CHAF1A: variants seen among roughly 807,000 people sequenced by gnomAD.
CHAF1A encodes chromatin assembly factor 1 subunit A, also known as CAF-1 subunit A.
A neutral mutation model predicts 93.2 loss-of-function variants in CHAF1A; 5 were observed. The ratio of observed to expected loss-of-function variants is 0.05; its 90% CI spans 0.03 to 0.11. The LOEUF is 0.11. Among genes scored for constraint, CHAF1A ranks in the 10% least tolerant of loss-of-function variants. CHAF1A has a pLI of 1.00. For synonymous variants in CHAF1A, 504 were observed against 510.3 expected, an observed-to-expected ratio of 0.99 and a Z score of 0.17; for missense variants, 1,102 against 1,259.9, an observed-to-expected ratio of 0.87 and a Z score of 1.90.
In CHAF1A at chr19:4,408,920, C is replaced by T; in HGVS notation, c.121C>T (p.Arg41Cys). Residue 41 changes from arginine (R) to cysteine (C), a missense_variant, in exon 3 of 15, where the codon CGC becomes TGC. Around this residue, in one of 6 missense-constraint regions of CHAF1A, gnomAD observed 28 missense variants for 56.5 expected, o/e 0.50. Coordinates refer to ENST00000301280, the MANE Select transcript of CHAF1A (RefSeq NM_005483.3). ...TGTTTCAGCCCGTCTGCCGTTTAAG[C>T]GCCTGAATCTTGTCCCAAAGGGGAA... ...KLIQARLPFK[R>C]LNLVPKGKAD... 6 of 1,604,986 alleles carry T rather than the reference C, an allele frequency of 3.7e-6. No homozygotes were observed. The highest frequency in any genetic ancestry group is 1.1e-5 in the South Asian group (1 of 89,254).
intron 3 of CHAF1A, among the ~76,000 whole-genome samples, chr19:4,413,189 A>T (rs183868140): frequency 6.6e-6 from 1 of 152,142 alleles, no homozygotes; most frequent in Non-Finnish European, 1.5e-5. Flanking sequence ...CTCCTGTCTC[A>T]ACCTCCCAAG....
chr19:4,444,497 G>T (rs376623), downstream of CHAF1A: 45,334 of 152,142 alleles, frequency 0.3, 7,295 homozygotes, highest in East Asian at 0.6. Context: ...CCAGTGCTCG[G>T]AGGCGCTGCA....
intron 1 of CHAF1A, among the ~76,000 whole-genome samples, chr19:4,405,128 C>T (rs557762063): frequency 2.6e-5 from 4 of 152,106 alleles, no homozygotes; most frequent in Admixed American, 1.3e-4. Flanking sequence ...GAAACAGTTC[C>T]GGTTACTCTC....
rs747750687 is a variant in CHAF1A, at chr19:4,427,136, C to CTTTTTTTTTTTTTTTTTTTTTTTTTT, written c.1378-1522_1378-1497dup. Among the ~76,000 whole-genome samples the CTTTTTTTTTTTTTTTTTTTTTTTTTT allele has an allele frequency of 4.1e-4, 13 of 31,948 alleles. 2 individuals are homozygous for CTTTTTTTTTTTTTTTTTTTTTTTTTT. Among genetic ancestry groups the CTTTTTTTTTTTTTTTTTTTTTTTTTT allele is most frequent in the African/African-American group, 1.5e-3 (10 of 6,822 alleles). The allele number at this position is 31,948 out of a possible 152,430, so 21.0% of individuals were successfully genotyped here. A position where few individuals can be genotyped will look rare whatever the true frequency, so the allele number is the denominator to read the frequency against. ...GTGATCTTTCAAAAAAAGACCCTGT[C>CTTTTTTTTTTTTTTTTTTTTTTTTTT]TTTTTTTTTTTTTTTTTTTTTTTTT... On this transcript the variant is annotated intron_variant, in intron 7 of 14. Transcript: ENST00000301280.
At chr19:4,446,085 G>C (rs139535362), downstream of CHAF1A, 5 of 1,612,600 alleles carry the variant, frequency 3.1e-6, no homozygotes, top group African/African-American at 4.0e-5. Context: ...TCTCGTCCTC[G>C]GACAGCTTCT....
At chr19:4,446,307 GGC>G, downstream of CHAF1A, 5 of 1,572,988 alleles carry the variant, frequency 3.2e-6, no homozygotes, top group Non-Finnish European at 4.3e-6. Flanking sequence ...CCATCGGGGA[GGC>G]GCACGCGCAG....
intron 3 of CHAF1A, among the ~76,000 whole-genome samples, chr19:4,412,014 C>G (rs2145078593): frequency 6.6e-6 from 1 of 152,160 alleles, no homozygotes; most frequent in South Asian, 2.1e-4. Context: ...GTTTGTTGTA[C>G]AGATTATTTT....
rs565606880 is a variant in CHAF1A, at chr19:4,433,600, G to A, written c.2673+61G>A. ...GCTTTTCTTTTTTTGTTTGTTTTTT[G>A]TTGTTTTGTTTTTTTTTCGAGATGG... On this transcript the variant is annotated intron_variant, in intron 13 of 14. Coordinates refer to ENST00000301280, the MANE Select transcript of CHAF1A (RefSeq NM_005483.3). The surrounding 1 kb of genome is among the most constrained non-coding windows in gnomAD (Gnocchi z 5.6). 7.3e-7 allele frequency: 1 copy of A among 1,375,956 alleles called. No individual in the cohort carries two copies. Among genetic ancestry groups the A allele is most frequent in the Admixed American group, 2.5e-5 (1 of 39,802 alleles). The allele number at this position is 1,375,956 out of a possible 1,614,324, so 85.2% of individuals were successfully genotyped here.
At position 4,408,461 on chromosome 19, in the gene CHAF1A, C is replaced by CTTTTTTTTTTTTT; in HGVS notation, c.104-424_104-412dup. 8.4e-3 allele frequency among the ~76,000 whole-genome samples: 302 copies of CTTTTTTTTTTTTT among 36,020 alleles called. 97 individuals are homozygous for CTTTTTTTTTTTTT. Among genetic ancestry groups the CTTTTTTTTTTTTT allele is most frequent in the East Asian group, 0.018 (16 of 888 alleles). 23.6% of individuals were successfully genotyped at this position (36,020 alleles called of 152,430 possible). On this transcript the variant is annotated intron_variant, in intron 2 of 14. Transcript: ENST00000301280. ...CCTGCCTTGGCCTCCCGCACCCGGC[C>CTTTTTTTTTTTTT]TTTTTTTTTTTTTTTTTTTTTTTTT...
rs1974036456 is a variant in CHAF1A, at chr19:4,423,948, C to T, written c.1377+74C>T. 2.9e-6 allele frequency: 4 copies of T among 1,397,976 alleles called. No individual in the cohort carries two copies. The Admixed American group carries it at 5.2e-5, about 18-fold the overall frequency. 86.6% of individuals were successfully genotyped at this position (1,397,976 alleles called of 1,614,324 possible). ...TTCCTTTCTGAAAGTGAAAGGGTCT[C>T]TCCCCAGCCAGCTTCTCTCATTAGG... On this transcript the variant is annotated intron_variant, in intron 7 of 14. Transcript: ENST00000301280.
chr19:4,409,888 A>G, intron 3 of CHAF1A, 129 bp downstream of exon 3: 1 of 1,027,516 alleles, frequency 9.7e-7, no homozygotes, highest in Non-Finnish European at 1.4e-6. Context: ...CTGGGACTCG[A>G]CGTGGAGTTC....
downstream of CHAF1A, chr19:4,446,003 C>T: frequency 6.4e-7 from 1 of 1,561,824 alleles, no homozygotes; most frequent in Admixed American, 1.8e-5. Flanking sequence ...CCAGGAGAAC[C>T]TGCAGAGGCA....
downstream of CHAF1A, chr19:4,445,674 C>T (rs372855117): frequency 3.3e-5 from 53 of 1,585,064 alleles, no homozygotes; most frequent in African/African-American, 4.0e-5. Flanking sequence ...GCCCTTGCCG[C>T]GGCAGGGAAC....
intron 3 of CHAF1A, among the ~76,000 whole-genome samples, chr19:4,412,532 A>G (rs1031243773): frequency 5.3e-5 from 8 of 152,142 alleles, no homozygotes; most frequent in African/African-American, 1.9e-4. Context: ...TAACAAGAAC[A>G]AAACTCCGTC....
At chr19:4,423,995 C>G in intron 7 of CHAF1A, 121 bp downstream of exon 7, 1 of 828,008 alleles carries the variant, frequency 1.2e-6, no homozygotes, top group African/African-American at 1.7e-5. Flanking sequence ...CTCCAGTGAC[C>G]TAGGGCACTT....
chr19:4,406,671 G>A (rs1177119957), intron 2 of CHAF1A, among the ~76,000 whole-genome samples: 1 of 152,102 alleles, frequency 6.6e-6, no homozygotes, highest in African/African-American at 2.4e-5. Flanking sequence ...CTGACCTTGT[G>A]ATCCCCCTGC....
chr19:4,427,898 A>AT (rs1293195491), intron 7 of CHAF1A, among the ~76,000 whole-genome samples: 1 of 149,218 alleles, frequency 6.7e-6, no homozygotes, highest in South Asian at 2.1e-4. Flanking sequence ...TAATTTTTGT[A>AT]TTTTTAGTAG....
chr19:4,448,227 A>T, downstream of CHAF1A: 1 of 1,171,494 alleles, frequency 8.5e-7, no homozygotes, highest in Non-Finnish European at 1.2e-6. Context: ...TCAGCAGGTA[A>T]TGAGGGGGCC....
downstream of CHAF1A, chr19:4,446,917 G>A (rs758984301): frequency 2.2e-5 from 36 of 1,613,552 alleles, no homozygotes; most frequent in South Asian, 1.4e-4. Context: ...CAGTTAATGC[G>A]CTCCTGGGGG....
Sources: allele counts gnomAD v4.1 joint callset (sites outside exome capture counted in the v4.1 genomes callset), GRCh38; gene constraint gnomAD v4.1.1; regional missense constraint gnomAD v4.1.1; non-coding constraint Gnocchi (gnomAD v3.1); transcripts MANE v1.5; gene names NCBI Gene and HGNC (gene_info 2026-07-23, HGNC 2026-07-21).